OR7A17: variants seen among roughly 807,000 people sequenced by gnomAD.
OR7A17 encodes the protein olfactory receptor family 7 subfamily A member 17.
For synonymous variants in OR7A17, 159 were observed against 142.1 expected (o/e 1.12, Z -0.85); for missense variants, 366 against 365.5 (o/e 1.00, Z -0.01).
At position 14,880,960 on chromosome 19, in the gene OR7A17, G is replaced by A. The variant is rs1464294429; in HGVS notation, c.396C>T (p.Tyr132=). ...RFVAICHPLH[Y]TVIMNPRLCG... is the part of the protein sequence containing the mutation. ...AGAGCCGAGGGTTCATGATGACTGT[G>A]TAGTGCAGAGGATGACAGATGGCCA... Residue 132 remains tyrosine (Y), a synonymous_variant, in exon 3 of 3, where the codon TAC becomes TAT. Coordinates refer to ENST00000641113, the MANE Select transcript of OR7A17 (RefSeq NM_030901.2). 1.2e-6 allele frequency: 2 copies of A among 1,614,206 alleles called. No individual in the cohort carries two copies. The highest frequency in any genetic ancestry group is 1.3e-5 in the African/African-American group (1 of 75,046).
intron 1 of OR7A17, among the ~76,000 whole-genome samples, chr19:14,882,415 C>T (rs2045116896): frequency 6.6e-6 from 1 of 152,214 alleles, no homozygotes; most frequent in Admixed American, 6.5e-5. Context: ...CATCATGTCC[C>T]TTGCTGGAGT....
chr19:14,881,344 C>A lies in OR7A17; in HGVS notation c.12G>T (p.Glu4Asp). The part of the protein sequence containing the change: MEP[E>D]NDTGISEFVL... ...CAAATTCTGAAATCCCTGTGTCATT[C>A]TCTGGTTCCATCTTTTTTTTTCTAT... The change falls in exon 3 of 3, where the codon GAG becomes GAT. Residue 4 changes from glutamate to aspartate, a missense_variant. Transcript: ENST00000641113. The A allele has an allele frequency of 1.4e-6, 2 of 1,424,230 alleles. No individual in the cohort carries two copies. The highest frequency in any genetic ancestry group is 1.8e-5 in the South Asian group (1 of 54,174). The allele number at this position is 1,424,230 out of a possible 1,614,324, so 88.2% of individuals were successfully genotyped here.
rs998957628 is a variant in OR7A17 at position 14,881,284 on chromosome 19, C to T, written c.72G>A (p.Gln24=). The T allele has an allele frequency of 1.9e-6, 3 of 1,610,612 alleles. No homozygotes were observed. The highest frequency in any genetic ancestry group is 2.5e-6 in the Non-Finnish European group (3 of 1,177,984). Residue 24 remains glutamine, a synonymous_variant, in exon 3 of 3, where the codon CAG becomes CAA. Transcript: ENST00000641113. The part of the protein sequence containing the change: ...LLGLSEEPEL[Q]PFLFGLFLSM... ...ACAGAAACAGCCCAAAGAGGAAGGG[C>T]TGCAATTCTGGTTCCTCAGAAAGTC...
chr19:14,880,927 G>C lies in OR7A17; in HGVS notation c.429C>G (p.Leu143=). ...CAATCATCCAGGATGCCAGAACCAGGAGTCCACAGAGCCGAGGGTTCATGA... is the reference window on the plus strand; with the variant it reads ...CAATCATCCAGGATGCCAGAACCAGCAGTCCACAGAGCCGAGGGTTCATGA... ...TVIMNPRLCG[L]LVLASWMIAA... is the part of the protein sequence containing the mutation. Residue 143 remains leucine (L), a synonymous_variant, in exon 3 of 3, where the codon CTC becomes CTG. Coordinates refer to ENST00000641113, the MANE Select transcript of OR7A17 (RefSeq NM_030901.2). 6 of 1,614,124 alleles carry C rather than the reference G, an allele frequency of 3.7e-6. 1 individual carries two copies. Among genetic ancestry groups the C allele is most frequent in the Non-Finnish European group, 3.4e-6 (4 of 1,180,016 alleles).
At position 14,881,076 on chromosome 19, in the gene OR7A17, A is replaced by T; in HGVS notation, c.280T>A (p.Tyr94Asn). 4 of 1,614,192 alleles carry T rather than the reference A, an allele frequency of 2.5e-6. No individual in the cohort carries two copies. Among genetic ancestry groups the T allele is most frequent in the Non-Finnish European group, 2.5e-6 (3 of 1,180,036 alleles). ...NIQTQSRVIT[Y>N]AGCITQMCFF... ...CACATCTGGGTGATGCAGCCTGCAT[A>T]GGTGATGACTCTGCTCTGTGTCTGG... The change falls in exon 3 of 3, where the codon TAT becomes AAT. Residue 94 changes from tyrosine to asparagine, a missense_variant. Physicochemically the swap from Tyr to Asn is moderately radical, Grantham distance 143 (BLOSUM62 -2). Coordinates refer to ENST00000641113, the MANE Select transcript of OR7A17 (RefSeq NM_030901.2).
Position 14,879,352 on chromosome 19 carries a change from C to T in OR7A17, c.*1074G>A, listed in dbSNP as rs1343418241. The T allele has an allele frequency of 6.6e-6, 1 of 151,614 alleles. No individual in the cohort carries two copies. The highest frequency in any genetic ancestry group is 1.5e-5 in the Non-Finnish European group (1 of 67,984). The allele number at this position is 151,614 out of a possible 1,614,324, so 9.4% of individuals were successfully genotyped here. On this transcript the variant is annotated 3_prime_UTR_variant, in exon 3 of 3. Transcript: ENST00000641113. ...TCTCGGCTCACTGCAACCTCCGTCT[C>T]CCGGGTTCAAACCATTCTCCTGCCT...
chr19:14,882,803 G>A (rs62124863), intron 1 of OR7A17, among the ~76,000 whole-genome samples: 19 of 151,984 alleles, frequency 1.3e-4, no homozygotes. Flanking sequence ...AAAGGTGCGT[G>A]CGCGCACGCA....
At chr19:14,881,608 A>T in intron 2 of OR7A17, 57 bp from the exon 3 acceptor site, 1 of 200,606 alleles carries the variant, frequency 5.0e-6, no homozygotes, top group Non-Finnish European at 9.9e-6. Flanking sequence ...CCTATCAGAA[A>T]TTCTCTCATT....
intron 1 of OR7A17, among the ~76,000 whole-genome samples, chr19:14,885,092 A>C (rs1306827384): frequency 6.6e-6 from 1 of 152,060 alleles, no homozygotes; most frequent in Non-Finnish European, 1.5e-5. Context: ...CATGCTAAAA[A>C]CTCTCAGTAA....
At position 14,880,492 on chromosome 19, in the gene OR7A17, A is replaced by G. The variant is rs775209338; in HGVS notation, c.864T>C (p.Phe288=). Residue 288 remains phenylalanine (F), a synonymous_variant, in exon 3 of 3, where the codon TTT becomes TTC. Transcript: ENST00000641113. ...YTVATPMLNP[F]IYSLRNKDIK... ...TGTCTTTATTCCTCAGACTGTAGAT[A>G]AAGGGGTTCAGCATGGGGGTGGCCA... is the stretch of plus-strand genomic sequence containing the variant. 1.7e-5 allele frequency: 28 copies of G among 1,613,940 alleles called. No homozygotes were observed. The highest frequency in any genetic ancestry group is 2.2e-5 in the East Asian group (1 of 44,890).
intron 1 of OR7A17, among the ~76,000 whole-genome samples, chr19:14,882,235 C>T (rs1328315043): frequency 6.6e-6 from 1 of 152,140 alleles, no homozygotes; most frequent in Non-Finnish European, 1.5e-5. Context: ...TGCTATAAAA[C>T]AGAGTCCCTA....
intron 1 of OR7A17, among the ~76,000 whole-genome samples, chr19:14,885,393 A>C (rs982439038): frequency 1.3e-5 from 2 of 152,236 alleles, no homozygotes; most frequent in African/African-American, 4.8e-5. Context: ...GTCTCAGCCC[A>C]AAATCTCCTT....
Position 14,881,424 on chromosome 19 carries a change from T to G in OR7A17, c.-69A>C. 9.7e-7 allele frequency: 1 copy of G among 1,030,080 alleles called. No homozygotes were observed. The highest frequency in any genetic ancestry group is 1.3e-6 in the Non-Finnish European group (1 of 790,456). The allele number at this position is 1,030,080 out of a possible 1,614,324, so 63.8% of individuals were successfully genotyped here. ...TATTTATTAACATAGACAGGGTCTC[T>G]CACTCTGTTGCCAACGCTGGTCTGA... On this transcript the variant is annotated 5_prime_UTR_variant, in exon 3 of 3. Transcript: ENST00000641113.
At position 14,881,115 on chromosome 19, in the gene OR7A17, T is replaced by C. The variant is rs1568267020; in HGVS notation, c.241A>G (p.Met81Val). 1 of 1,614,160 alleles carries C rather than the reference T, an allele frequency of 6.2e-7. No individual in the cohort carries two copies. The highest frequency in any genetic ancestry group is 8.5e-7 in the Non-Finnish European group (1 of 1,180,036). The change falls in exon 3 of 3, where the codon ATG becomes GTG. Residue 81 changes from methionine to valine, a missense_variant. Transcript: ENST00000641113. ...CTCTGTGTCTGGATGTTAATGAGCA[T>C]CTTTGGGATTGTAGTGGAGATGAAA... ...ICFISTTIPK[M>V]LINIQTQSRV...
At position 14,885,941 on chromosome 19, in the gene OR7A17, C is replaced by T. The variant is rs986540896; in HGVS notation, c.-295G>A. On this transcript the variant is annotated splice_region_variant and 5_prime_UTR_variant, in exon 1 of 3. Coordinates refer to ENST00000641113, the MANE Select transcript of OR7A17 (RefSeq NM_030901.2). ...GTACCCACTGGGCTCTGGGACTTAC[C>T]CTACTGAGTTTTCTGAAAGGAAGGT... 6.6e-6 allele frequency: 1 copy of T among 152,126 alleles called. No individual in the cohort carries two copies. Among genetic ancestry groups the T allele is most frequent in the African/African-American group, 2.4e-5 (1 of 41,420 alleles). The allele number at this position is 152,126 out of a possible 1,614,324, so 9.4% of individuals were successfully genotyped here. A position where few individuals can be genotyped will look rare whatever the true frequency, so the allele number is the denominator to read the frequency against.
chr19:14,883,341 G>T (rs1170888831), intron 1 of OR7A17, among the ~76,000 whole-genome samples: 1 of 152,174 alleles, frequency 6.6e-6, no homozygotes, highest in Non-Finnish European at 1.5e-5. Flanking sequence ...TCGGGGGGCT[G>T]AGGTAGGAGA....
In OR7A17 at chr19:14,880,979, A is replaced by G. The variant is rs750582853; in HGVS notation, c.377T>C (p.Ile126Thr). 8.7e-6 allele frequency: 14 copies of G among 1,614,194 alleles called. No individual in the cohort carries two copies. The highest frequency in any genetic ancestry group is 1.2e-5 in the Non-Finnish European group (14 of 1,180,032). The change falls in exon 3 of 3, where the codon ATC becomes ACC. Residue 126 changes from isoleucine (I) to threonine (T), a missense_variant. Physicochemically the swap from Ile to Thr is moderately conservative, Grantham distance 89 (BLOSUM62 -1). Transcript: ENST00000641113. ...AVMAYDRFVAICHPLHYTVIM... is the reference protein window; with the variant it reads ...AVMAYDRFVATCHPLHYTVIM... ...GACTGTGTAGTGCAGAGGATGACAG[A>G]TGGCCACAAACCGATCATAGGCCAT...
At chr19:14,882,410 T>C (rs983507272) in intron 1 of OR7A17, among the ~76,000 whole-genome samples, 23 of 152,212 alleles carry the variant, frequency 1.5e-4, no homozygotes, top group African/African-American at 5.5e-4. Flanking sequence ...AGAGTCATCA[T>C]GTCCCTTGCT....
Position 14,880,246 on chromosome 19 carries a change from G to A in OR7A17, c.*180C>T, listed in dbSNP as rs1421941612. 1 of 366,610 alleles carries A rather than the reference G, an allele frequency of 2.7e-6. No individual in the cohort carries two copies. Among genetic ancestry groups the A allele is most frequent in the Non-Finnish European group, 4.7e-6 (1 of 212,788 alleles). The allele number at this position is 366,610 out of a possible 1,614,324, so 22.7% of individuals were successfully genotyped here. A position where few individuals can be genotyped will look rare whatever the true frequency, so the allele number is the denominator to read the frequency against. ...AAAAAAAAAGATTGGATATCAGAGAGCGGAAAGCTTTATAAAGGAATACAT... is the reference window on the plus strand; with the variant it reads ...AAAAAAAAAGATTGGATATCAGAGAACGGAAAGCTTTATAAAGGAATACAT... On this transcript the variant is annotated 3_prime_UTR_variant, in exon 3 of 3. Coordinates refer to ENST00000641113, the MANE Select transcript of OR7A17 (RefSeq NM_030901.2).
Sources: allele counts gnomAD v4.1 joint callset (sites outside exome capture counted in the v4.1 genomes callset), GRCh38; gene constraint gnomAD v4.1.1; transcripts MANE v1.5; gene names NCBI Gene and HGNC (gene_info 2026-07-23, HGNC 2026-07-21).